EXOC3L4: variants seen among roughly 807,000 people sequenced by gnomAD.
The protein encoded by EXOC3L4 is exocyst complex component 3 like 4.
A neutral mutation model predicts 69.7 loss-of-function variants in EXOC3L4; 62 were observed. That is an observed-to-expected ratio of 0.89 (90% confidence interval 0.72 to 1.10). The LOEUF is 1.10. Among genes scored for constraint, EXOC3L4 ranks in the 50% least tolerant of loss-of-function variants. The pLI is 0.00. For synonymous variants in EXOC3L4, 502 were observed against 464.2 expected (o/e 1.08, Z -1.05); for missense variants, 1,087 against 1,034.8 (o/e 1.05, Z -0.69).
chr14:103,110,031 G>C lies in EXOC3L4; in HGVS notation c.1977G>C (p.Arg659Ser). 1 of 1,592,544 alleles carries C rather than the reference G, an allele frequency of 6.3e-7. No individual in the cohort carries two copies. Among genetic ancestry groups the C allele is most frequent in the Non-Finnish European group, 8.5e-7 (1 of 1,170,456 alleles). ...ETLIRSYPDI[R>S]RDHILAILAL... Reference sequence around the variant, plus strand: ...AGTGAGTGCCCGCATGTCTCTGCAGGCGGGACCACATACTGGCCATTCTGG... The same window carrying C: ...AGTGAGTGCCCGCATGTCTCTGCAGCCGGGACCACATACTGGCCATTCTGG... Residue 659 changes from arginine (R) to serine (S), a missense_variant and splice_region_variant, in exon 12 of 12, where the codon AGG becomes AGC. Coordinates refer to ENST00000688303, the MANE Select transcript of EXOC3L4 (RefSeq NM_001077594.2).
intron 4 of EXOC3L4, 60 bp from the exon 5 acceptor site, chr14:103,104,207 C>G (rs1890395638): frequency 3.4e-6 from 5 of 1,482,682 alleles, no homozygotes; most frequent in East Asian, 5.1e-5. Context: ...GCCCTCATCC[C>G]GGACGGCGCG....
intron 1 of EXOC3L4, among the ~76,000 whole-genome samples, chr14:103,095,430 G>A (rs938170779): frequency 1.3e-5 from 2 of 152,220 alleles, no homozygotes; most frequent in African/African-American, 4.8e-5. Flanking sequence ...CAGCTGGTCC[G>A]GGAAGGCTTC....
At chr14:103,103,797 C>CGCGCGT (rs763940116) in intron 3 of EXOC3L4, 144 bp from the exon 4 acceptor site, 15 of 433,726 alleles carry the variant, frequency 3.5e-5, no homozygotes, top group African/African-American at 1.9e-4. Flanking sequence ...GGCGCGCGCG[C>CGCGCGT]GTGTGTGTGT....
chr14:103,106,964 C>A, intron 8 of EXOC3L4, 65 bp downstream of exon 8: 3 of 1,299,802 alleles, frequency 2.3e-6, no homozygotes, highest in South Asian at 1.4e-5. Context: ...TTTCCTAGAG[C>A]CTGGGGGCCC....
rs959545655 is a variant in EXOC3L4, at chr14:103,102,665, T to C, written c.942T>C (p.Arg314=). The change falls in exon 3 of 12, where the codon CGT becomes CGC. Residue 314 remains arginine (R), a synonymous_variant. Coordinates refer to ENST00000688303, the MANE Select transcript of EXOC3L4 (RefSeq NM_001077594.2). ...TCCCAGCGTGGGAGGTCTATCTGCG[T>C]GCCTTCCACAGCGCCGTGGCCCAGC... ...AGFPAWEVYL[R]AFHSAVAQRL... 10 of 1,497,888 alleles carry C rather than the reference T, an allele frequency of 6.7e-6. No homozygotes were observed. Among genetic ancestry groups the C allele is most frequent in the African/African-American group, 1.4e-5 (1 of 69,090 alleles). The allele number at this position is 1,497,888 out of a possible 1,614,324, so 92.8% of individuals were successfully genotyped here. A position where few individuals can be genotyped will look rare whatever the true frequency, so the allele number is the denominator to read the frequency against.
chr14:103,107,325 A>C (rs1890616101), intron 8 of EXOC3L4, 99 bp from the exon 9 acceptor site: 2 of 1,522,930 alleles, frequency 1.3e-6, no homozygotes, highest in East Asian at 2.3e-5. Context: ...CCCCAAACCC[A>C]GGAGGGAAGG....
At chr14:103,100,018 C>T (rs947113037) in intron 1 of EXOC3L4, 186 bp from the exon 2 acceptor site, 20 of 605,354 alleles carry the variant, frequency 3.3e-5, no homozygotes, top group East Asian at 2.0e-4. Flanking sequence ...TCTCCGTGCC[C>T]AGCTGCGGCC....
intron 8 of EXOC3L4, among the ~76,000 whole-genome samples, chr14:103,107,184 G>C (rs898753872): frequency 2.0e-5 from 3 of 152,150 alleles, no homozygotes; most frequent in South Asian, 4.1e-4. Context: ...GTCCCTCAAG[G>C]CTTCTCCAGG....
intron 1 of EXOC3L4, among the ~76,000 whole-genome samples, chr14:103,095,316 G>A (rs55997281): frequency 0.032 from 4,912 of 152,338 alleles, 243 homozygotes; most frequent in African/African-American, 0.11. Context: ...CCTGCCTTGC[G>A]GGTCTCCTGG....
chr14:103,109,987 T>A, intron 11 of EXOC3L4, 44 bp from the exon 12 acceptor site: 2 of 1,529,482 alleles, frequency 1.3e-6, no homozygotes, highest in South Asian at 2.5e-5. Flanking sequence ...CTGGGGGTGT[T>A]GCGGAGGTGT....
intron 3 of EXOC3L4, 92 bp downstream of exon 3, chr14:103,102,864 C>T: frequency 8.3e-7 from 1 of 1,198,142 alleles, no homozygotes; most frequent in Non-Finnish European, 1.1e-6. Context: ...CCGGACCTTT[C>T]TTCTCTGTTC....
rs374492090 is a variant in EXOC3L4, at chr14:103,097,693, T to C, written c.-16-2511T>C. ...CAGTGCCGAGTACCCACTGAGCAGA[T>C]AGATGGTGACGGCCGGTGGTGCAAG... On this transcript the variant is annotated intron_variant, in intron 1 of 11. Coordinates refer to ENST00000688303, the MANE Select transcript of EXOC3L4 (RefSeq NM_001077594.2). This position sits in a 1 kb window ranked among gnomAD's most constrained non-coding sequence, Gnocchi z 4.9. 7.2e-5 allele frequency among the ~76,000 whole-genome samples: 11 copies of C among 152,220 alleles called. No homozygotes were observed. In the East Asian group the frequency reaches 1.5e-3, roughly 21 times the overall value.
intron 3 of EXOC3L4, among the ~76,000 whole-genome samples, chr14:103,103,369 AAAG>A (rs1890326275): frequency 2.1e-5 from 3 of 145,370 alleles, no homozygotes; most frequent in Admixed American, 1.4e-4. Flanking sequence ...AAAAAAAAAA[AAAG>A]AAAGAAAGAA....
intron 1 of EXOC3L4, among the ~76,000 whole-genome samples, chr14:103,099,813 A>G (rs1890072520): frequency 6.6e-6 from 1 of 152,164 alleles, no homozygotes; most frequent in Non-Finnish European, 1.5e-5. Context: ...GAAGGCCTAG[A>G]TGTGGCTGCT....
At position 103,103,354 on chromosome 14, in the gene EXOC3L4, C is replaced by CAAAAAAAAAAAAA. The variant is rs3070496; in HGVS notation, c.1050-582_1050-570dup. The stretch of plus-strand genomic sequence containing the variant: ...TGGGCGACAGAGCAAGACTCTGTCT[C>CAAAAAAAAAAAAA]AAAAAAAAAAAAAAAAAGAAAGAAA... On this transcript the variant is annotated intron_variant, in intron 3 of 11. Transcript: ENST00000688303. 2.7e-3 allele frequency among the ~76,000 whole-genome samples: 257 copies of CAAAAAAAAAAAAA among 94,838 alleles called. 4 individuals are homozygous for CAAAAAAAAAAAAA. Among genetic ancestry groups the CAAAAAAAAAAAAA allele is most frequent in the African/African-American group, 0.01 (242 of 24,124 alleles). The allele number at this position is 94,838 out of a possible 152,430, so 62.2% of individuals were successfully genotyped here.
chr14:103,102,098 C>A lies in EXOC3L4; in HGVS notation c.395-20C>A. On this transcript the variant is annotated intron_variant, in intron 2 of 11. Coordinates refer to ENST00000688303, the MANE Select transcript of EXOC3L4 (RefSeq NM_001077594.2). ...TCTTGGGGCGGTCCCTCTCACCGCC[C>A]TTCTCGCCCGCCTGTGCAGAAGGCA... 2 of 1,583,214 alleles carry A rather than the reference C, an allele frequency of 1.3e-6. No individual in the cohort carries two copies. The highest frequency in any genetic ancestry group is 8.6e-7 in the Non-Finnish European group (1 of 1,165,314).
Position 103,104,770 on chromosome 14 carries a change from C to A in EXOC3L4, c.1317C>A (p.Ala439=). ...LVAEHVKAAG[A]ISAELEATTL... ...CCGAGCACGTGAAGGCGGCCGGCGC[C>A]ATCTCCGCGGAGCTGGAGGCCACCA... is the stretch of plus-strand genomic sequence containing the variant. The change falls in exon 6 of 12, where the codon GCC becomes GCA. Residue 439 remains alanine, a synonymous_variant. Transcript: ENST00000688303. The A allele has an allele frequency of 6.6e-7, 1 of 1,523,826 alleles. No individual in the cohort carries two copies. Among genetic ancestry groups the A allele is most frequent in the South Asian group, 1.2e-5 (1 of 82,606 alleles). The allele number at this position is 1,523,826 out of a possible 1,614,324, so 94.4% of individuals were successfully genotyped here. A position where few individuals can be genotyped will look rare whatever the true frequency, so the allele number is the denominator to read the frequency against.
intron 1 of EXOC3L4, among the ~76,000 whole-genome samples, chr14:103,096,304 T>C (rs1413070248): frequency 6.6e-6 from 1 of 151,998 alleles, no homozygotes; most frequent in Non-Finnish European, 1.5e-5. Flanking sequence ...TGGTGAGCTA[T>C]GATCGCATCC....
Position 103,100,246 on chromosome 14 carries a change from TG to T in EXOC3L4, c.30del (p.Pro11ArgfsTer43). 1.3e-6 allele frequency: 2 copies of T among 1,581,574 alleles called. No homozygotes were observed. Among genetic ancestry groups the T allele is most frequent in the Non-Finnish European group, 1.7e-6 (2 of 1,162,452 alleles). On this transcript the variant is annotated frameshift_variant, in exon 2 of 12. Coordinates refer to ENST00000688303, the MANE Select transcript of EXOC3L4 (RefSeq NM_001077594.2). LOFTEE classifies it high-confidence loss of function. MPSPQTDTP[G>X]PELQSPKEAE... ...TGCCATCACCACAGACAGACACTCC[TG>T]GGCCGGAGCTGCAGAGTCCCAAGGA... is the stretch of plus-strand genomic sequence containing the variant.
Sources: allele counts gnomAD v4.1 joint callset (sites outside exome capture counted in the v4.1 genomes callset), GRCh38; gene constraint gnomAD v4.1.1; non-coding constraint Gnocchi (gnomAD v3.1); transcripts MANE v1.5; gene names NCBI Gene and HGNC (gene_info 2026-07-23, HGNC 2026-07-21).